The following USP47 variants were observed in gnomAD, a reference collection of about 807,000 sequenced individuals.
USP47 encodes ubiquitin carboxyl-terminal hydrolase 47.
In USP47, 35 loss-of-function variants were observed where a neutral mutation model predicts 165.1. The ratio of observed to expected loss-of-function variants is 0.21; its 90% CI spans 0.16 to 0.28. The LOEUF (loss-of-function observed/expected upper bound fraction) is 0.28, where lower values mean the gene tolerates loss of function less well. Among genes scored for constraint, USP47 ranks in the 10% least tolerant of loss-of-function variants. The pLI is 1.00. For missense variants in USP47, 1,277 were observed against 1,607.4 expected (o/e 0.79, Z 3.52); for synonymous variants, 531 against 544.5 (o/e 0.98, Z 0.35).
chr11:11,922,992 G>C (rs1564881356), intron 11 of USP47, 101 bp downstream of exon 11: 1 of 1,004,924 alleles, frequency 1.0e-6, no homozygotes, highest in Non-Finnish European at 1.3e-6. Context: ...ATCTTTAAAA[G>C]AAACTTAATT....
chr11:11,869,186 C>G (rs773987858), intron 1 of USP47, among the ~76,000 whole-genome samples: 7 of 152,050 alleles, frequency 4.6e-5, no homozygotes, highest in Non-Finnish European at 1.0e-4. Context: ...AGGACTCTGC[C>G]TAGCCTGAGT....
rs563828000 is a variant in USP47, at chr11:11,920,224, T to C, written c.1038T>C (p.Arg346=). ...LDGPNQYFCE[R]CKKKCDARKG... ...GCCCAAATCAGTATTTTTGTGAACG[T>C]TGTAAGAAGAAGTGTGATGCACGGA... The change falls in exon 9 of 28, where the codon CGT becomes CGC. Residue 346 remains arginine (R), a synonymous_variant. Transcript: ENST00000527733. 1.9e-6 allele frequency: 3 copies of C among 1,609,584 alleles called. No homozygotes were observed. Among genetic ancestry groups the C allele is most frequent in the East Asian group, 2.2e-5 (1 of 44,628 alleles).
In USP47 at chr11:11,924,204, A is replaced by AT. The variant is rs564257111; in HGVS notation, c.1386+1322dup. On this transcript the variant is annotated intron_variant, in intron 11 of 27. Coordinates refer to ENST00000527733, the MANE Select transcript of USP47 (RefSeq NM_001282659.2). ...ATGAATAGGTATTGGATTTTTCCAG[A>AT]TTTTTTTTTCTATGTCAGTTGATAT... Among the ~76,000 whole-genome samples, 24 of 151,188 alleles carry AT rather than the reference A, an allele frequency of 1.6e-4. No individual in the cohort carries two copies. The South Asian group carries it at 4.2e-3, about 26-fold the overall frequency.
Position 11,926,021 on chromosome 11 carries a change from A to G in USP47, c.1386+3130A>G, listed in dbSNP as rs185825430. Among the ~76,000 whole-genome samples the G allele has an allele frequency of 2.2e-4, 34 of 152,190 alleles. 2 individuals carry two copies. The East Asian group carries it at 6.4e-3, about 29-fold the overall frequency. On this transcript the variant is annotated intron_variant, in intron 11 of 27. Coordinates refer to ENST00000527733, the MANE Select transcript of USP47 (RefSeq NM_001282659.2). ...GATCCTGTGGTTTTTTCATTCTGTT[A>G]ATGTAGTGTATTACATTGATCACTT...
chr11:11,935,368 G>C (rs1449253673), intron 16 of USP47, among the ~76,000 whole-genome samples: 1 of 151,984 alleles, frequency 6.6e-6, no homozygotes, highest in Non-Finnish European at 1.5e-5. Flanking sequence ...CATTAAGATG[G>C]ATGGATGGCT....
At chr11:11,879,103 A>C (rs1006975942) in intron 1 of USP47, among the ~76,000 whole-genome samples, 1 of 152,198 alleles carries the variant, frequency 6.6e-6, no homozygotes, top group African/African-American at 2.4e-5. Flanking sequence ...AGATTTGTAT[A>C]TCAGAAATAC....
intron 1 of USP47, among the ~76,000 whole-genome samples, chr11:11,875,368 A>G (rs1362128001): frequency 6.6e-6 from 1 of 152,154 alleles, no homozygotes; most frequent in African/African-American, 2.4e-5. Flanking sequence ...AACAAAAATT[A>G]TGATGTTATC....
At position 11,933,106 on chromosome 11, in the gene USP47, A is replaced by G. The variant is rs61761595; in HGVS notation, c.1754A>G (p.Asn585Ser). ...AAGAGACAACGAGAAATTGAGCGCA[A>G]TACATGCAAGGTTGAATTCCATCAT... ...QEKRQREIERNTCKIKLFCLH... is the reference protein window; with the variant it reads ...QEKRQREIERSTCKIKLFCLH... The change falls in exon 15 of 28, where the codon AAT (asparagine) becomes AGT (serine). Residue 585 changes from asparagine (N) to serine (S), a missense_variant. Physicochemically the swap from Asn to Ser is conservative, Grantham distance 46. Around this residue, in one of 4 missense-constraint regions of USP47, gnomAD observed 909 missense variants for 1,068.1 expected, o/e 0.85. Coordinates refer to ENST00000527733, the MANE Select transcript of USP47 (RefSeq NM_001282659.2). 1.4e-5 allele frequency: 22 copies of G among 1,612,650 alleles called. No homozygotes were observed. Among genetic ancestry groups the G allele is most frequent in the Admixed American group, 1.7e-5 (1 of 59,820 alleles).
intron 17 of USP47, 93 bp from the exon 18 acceptor site, chr11:11,938,164 C>A: frequency 4.8e-6 from 5 of 1,047,824 alleles, no homozygotes; most frequent in South Asian, 1.5e-5. Flanking sequence ...TTGGATTTGT[C>A]ACCTGTTAGA....
chr11:11,947,785 GT>G lies in USP47; in HGVS notation c.3092-154del, dbSNP rs1431889680. On this transcript the variant is annotated intron_variant, in intron 20 of 27. Transcript: ENST00000527733. ...AACCTATCAGAAACCCTGTGTCCAT[GT>G]TTTTTGTCCATTCAGTGTGGTATAT... Among the ~76,000 whole-genome samples the G allele has an allele frequency of 9.8e-5, 15 of 152,294 alleles. 1 individual carries two copies. The East Asian group carries it at 2.9e-3, about 29-fold the overall frequency.
chr11:11,880,509 A>T (rs926227833), intron 2 of USP47, 129 bp downstream of exon 2: 6 of 615,590 alleles, frequency 9.7e-6, no homozygotes, highest in East Asian at 3.5e-5. Context: ...GTAAGAGCCT[A>T]TGTGCAGCTC....
chr11:11,903,482 C>G, intron 7 of USP47, 140 bp downstream of exon 7: 1 of 735,020 alleles, frequency 1.4e-6, no homozygotes, highest in East Asian at 2.8e-5. Context: ...ATTGAAAGTA[C>G]TGAGTTCTCA....
intron 4 of USP47, among the ~76,000 whole-genome samples, 199 bp from the exon 5 acceptor site, chr11:11,897,398 T>C (rs371408162): frequency 6.7e-4 from 102 of 152,188 alleles, no homozygotes; most frequent in African/African-American, 2.4e-3. Flanking sequence ...ATCCTGACAT[T>C]TTCTACAAAA....
intron 20 of USP47, among the ~76,000 whole-genome samples, chr11:11,947,230 A>C (rs1475538639): frequency 2.6e-5 from 4 of 152,196 alleles, no homozygotes; most frequent in Non-Finnish European, 5.9e-5. Flanking sequence ...TTAGGGAAAA[A>C]CGAAGCTCAT....
chr11:11,895,373 A>G (rs1028836833), intron 4 of USP47, among the ~76,000 whole-genome samples: 5 of 152,148 alleles, frequency 3.3e-5, no homozygotes, highest in Non-Finnish European at 7.4e-5. Flanking sequence ...TAAGCATCCA[A>G]GGTGGTTGTG....
chr11:11,911,674 G>A (rs557398948), intron 8 of USP47, among the ~76,000 whole-genome samples: 10 of 152,176 alleles, frequency 6.6e-5, no homozygotes, highest in South Asian at 2.1e-4. Flanking sequence ...ACTTCAGCAC[G>A]CCTCCCTCTC....
chr11:11,934,015 A>G, intron 16 of USP47, 80 bp downstream of exon 16: 1 of 997,206 alleles, frequency 1.0e-6, no homozygotes. Context: ...ATAATGGATA[A>G]TAGTTATATA....
In USP47 at chr11:11,928,866, T is replaced by C. The variant is rs1055369481; in HGVS notation, c.1387-568T>C. 5.3e-5 allele frequency among the ~76,000 whole-genome samples: 8 copies of C among 152,070 alleles called. No individual in the cohort carries two copies. In the East Asian group the frequency reaches 1.5e-3, roughly 29 times the overall value. On this transcript the variant is annotated intron_variant, in intron 11 of 27. Coordinates refer to ENST00000527733, the MANE Select transcript of USP47 (RefSeq NM_001282659.2). ...TCTTTAGTTCCAAACTTTAAAGAAT[T>C]GTTTGCAGAACAGGAAGCTAAAGAA...
chr11:11,857,867 G>C (rs1849142971), intron 1 of USP47, among the ~76,000 whole-genome samples: 1 of 152,140 alleles, frequency 6.6e-6, no homozygotes, highest in Admixed American at 6.5e-5. Context: ...CTGATTACGG[G>C]CCAAATCTTC....
Sources: allele counts gnomAD v4.1 joint callset (sites outside exome capture counted in the v4.1 genomes callset), GRCh38; gene constraint gnomAD v4.1.1; regional missense constraint gnomAD v4.1.1; transcripts MANE v1.5; gene names NCBI Gene and HGNC (gene_info 2026-07-23, HGNC 2026-07-21).